The following ARSB variants were observed in gnomAD, a reference collection of about 807,000 sequenced individuals.
ARSB encodes arylsulfatase B.
Under a neutral mutation model 50.9 loss-of-function variants are expected in ARSB, and 41 were observed. The ratio of observed to expected loss-of-function variants is 0.81; its 90% CI spans 0.63 to 1.04. The LOEUF (loss-of-function observed/expected upper bound fraction) is 1.04. Ranked by LOEUF, ARSB falls within the 50% of genes least tolerant of loss-of-function variation. The pLI, the probability that ARSB is intolerant of heterozygous loss-of-function variation, is 0.00. For missense variants in ARSB, 672 were observed against 693.3 expected (o/e 0.97, Z 0.35); for synonymous variants, 269 against 284.8 (o/e 0.94, Z 0.56).
chr5:78,838,147 A>G (rs1247137249), intron 6 of ARSB, among the ~76,000 whole-genome samples: 3 of 152,206 alleles, frequency 2.0e-5, no homozygotes, highest in Non-Finnish European at 4.4e-5. Context: ...AAATGCAGGC[A>G]CAAACACGAA....
At chr5:78,850,929 G>C (rs55767859) in intron 5 of ARSB, among the ~76,000 whole-genome samples, 1 of 151,842 alleles carries the variant, frequency 6.6e-6, no homozygotes, top group East Asian at 1.9e-4. Flanking sequence ...TTTTTATTGC[G>C]TCTATTTGAT....
intron 5 of ARSB, among the ~76,000 whole-genome samples, chr5:78,867,418 G>A (rs988820437): frequency 6.6e-6 from 1 of 152,192 alleles, no homozygotes; most frequent in African/African-American, 2.4e-5. Context: ...AAATGTCCCT[G>A]TCTGACAGCC....
chr5:78,872,987 C>T (rs1428502297), intron 5 of ARSB, among the ~76,000 whole-genome samples: 1 of 151,740 alleles, frequency 6.6e-6, no homozygotes, highest in African/African-American at 2.4e-5. Flanking sequence ...TAAACGTGAA[C>T]AAAACCAAAA....
At chr5:78,797,616 G>A (rs1743231759) in intron 6 of ARSB, among the ~76,000 whole-genome samples, 1 of 152,168 alleles carries the variant, frequency 6.6e-6, no homozygotes, top group Non-Finnish European at 1.5e-5. Context: ...ATGGACAATA[G>A]CTTACCTACT....
intron 5 of ARSB, among the ~76,000 whole-genome samples, chr5:78,880,311 GAT>G (rs1449666296): frequency 1.3e-5 from 2 of 152,172 alleles, no homozygotes; most frequent in African/African-American, 4.8e-5. Flanking sequence ...AAACATCAAT[GAT>G]GTGAACTTTG....
At chr5:78,873,013 T>C (rs1174014463) in intron 5 of ARSB, among the ~76,000 whole-genome samples, 2 of 151,906 alleles carry the variant, frequency 1.3e-5, no homozygotes, top group Admixed American at 1.3e-4. Flanking sequence ...TCAGCATCTA[T>C]GCAAAGTTAC....
intron 4 of ARSB, among the ~76,000 whole-genome samples, chr5:78,911,708 G>T (rs1428620049): frequency 2.0e-5 from 3 of 150,152 alleles, no homozygotes; most frequent in South Asian, 2.1e-4. Context: ...GTTCTACTCT[G>T]CAGAAAAGAT....
At chr5:78,936,083 CT>C (rs1750580164) in intron 4 of ARSB, among the ~76,000 whole-genome samples, 1 of 117,930 alleles carries the variant, frequency 8.5e-6, no homozygotes, top group South Asian at 3.8e-4. Context: ...CTTTCCCTTC[CT>C]CCCCGCCTCT....
chr5:78,814,905 T>G (rs1743935003), intron 6 of ARSB, among the ~76,000 whole-genome samples: 1 of 150,534 alleles, frequency 6.6e-6, no homozygotes, highest in South Asian at 2.1e-4. Flanking sequence ...TTAATTCACA[T>G]CAAGGATTGA....
At chr5:78,792,060 A>T (rs764402701) in intron 6 of ARSB, among the ~76,000 whole-genome samples, 1 of 152,158 alleles carries the variant, frequency 6.6e-6, no homozygotes, top group African/African-American at 2.4e-5. Flanking sequence ...AAGAAAACTC[A>T]TAATGTTTTA....
chr5:78,958,045 C>A (rs1209719571), intron 3 of ARSB, among the ~76,000 whole-genome samples: 1 of 151,966 alleles, frequency 6.6e-6, no homozygotes, highest in Non-Finnish European at 1.5e-5. Flanking sequence ...TCTGACTACT[C>A]TTTGTCCACA....
chr5:78,910,615 T>C (rs1413587538), intron 4 of ARSB, among the ~76,000 whole-genome samples: 1 of 152,192 alleles, frequency 6.6e-6, no homozygotes, highest in Non-Finnish European at 1.5e-5. Flanking sequence ...GATAAAAAGA[T>C]GGGTAGGATT....
At chr5:78,946,884 T>G (rs1022968331) in intron 4 of ARSB, among the ~76,000 whole-genome samples, 1 of 152,038 alleles carries the variant, frequency 6.6e-6, no homozygotes, top group Non-Finnish European at 1.5e-5. Context: ...AATTATACTA[T>G]AGAGTTATAG....
At chr5:78,793,938 A>C (rs1011746272) in intron 6 of ARSB, among the ~76,000 whole-genome samples, 9 of 152,104 alleles carry the variant, frequency 5.9e-5, no homozygotes, top group Non-Finnish European at 1.2e-4. Context: ...TGCTGGGGGC[A>C]GCATGGGAGG....
chr5:78,973,133 C>T (rs1284935078), intron 1 of ARSB, among the ~76,000 whole-genome samples: 2 of 152,060 alleles, frequency 1.3e-5, no homozygotes, highest in African/African-American at 2.4e-5. Flanking sequence ...GGAAGGCAAC[C>T]GGGCACCAAT....
At chr5:78,906,838 A>T (rs1348873355) in intron 4 of ARSB, among the ~76,000 whole-genome samples, 2 of 152,206 alleles carry the variant, frequency 1.3e-5, no homozygotes, top group Admixed American at 1.3e-4. Flanking sequence ...GAATGGGCTA[A>T]GGGAACTTGT....
At chr5:78,924,969 T>C (rs1749980511) in intron 4 of ARSB, among the ~76,000 whole-genome samples, 2 of 152,190 alleles carry the variant, frequency 1.3e-5, no homozygotes, top group Admixed American at 1.3e-4. Flanking sequence ...TGCAAACATA[T>C]TCTCAAAGTT....
chr5:78,853,831 G>A (rs946703185), intron 5 of ARSB, among the ~76,000 whole-genome samples: 3 of 152,244 alleles, frequency 2.0e-5, no homozygotes, highest in Admixed American at 2.0e-4. Flanking sequence ...CTAGCAATCA[G>A]CGAAACTCTG....
At chr5:78,838,333 A>G (rs1745038528) in intron 6 of ARSB, among the ~76,000 whole-genome samples, 1 of 152,216 alleles carries the variant, frequency 6.6e-6, no homozygotes, top group Admixed American at 6.5e-5. Flanking sequence ...TATTCATGAC[A>G]GTACGATGAT....
Sources: gnomAD v4.1 joint callset for allele counts (sites outside exome capture counted in the v4.1 genomes callset) on GRCh38, gnomAD v4.1.1 for gene constraint, MANE v1.5 for transcripts, NCBI Gene and HGNC (gene_info 2026-07-23, HGNC 2026-07-21) for gene names.